Variants in ZNF385D observed in about 807,000 individuals in gnomAD.
ZNF385D encodes the protein zinc finger protein 385D.
Under a neutral mutation model 35.8 loss-of-function variants are expected in ZNF385D, and 15 were observed. The observed-to-expected ratio is 0.42, with a 90% CI of 0.28 to 0.64. The LOEUF is 0.64. Among genes scored for constraint, ZNF385D ranks in the 30% least tolerant of loss-of-function variants. ZNF385D has a pLI of 0.23. For missense variants in ZNF385D, 474 were observed against 494.6 expected, an observed-to-expected ratio of 0.96 and a Z score of 0.39; for synonymous variants, 212 against 186.8, an observed-to-expected ratio of 1.13 and a Z score of -1.10.
intron 3 of ZNF385D, among the ~76,000 whole-genome samples, chr3:21,554,555 A>G (rs1470017846): frequency 6.6e-6 from 1 of 152,180 alleles, no homozygotes; most frequent in East Asian, 1.9e-4. Flanking sequence ...GCTCCTACCA[A>G]GAGAGTAAGC....
intron 3 of ZNF385D, among the ~76,000 whole-genome samples, chr3:21,807,071 T>G (rs1262815217): frequency 6.6e-6 from 1 of 152,182 alleles, no homozygotes; most frequent in African/African-American, 2.4e-5. Flanking sequence ...AAGGAGGAAA[T>G]GAATTTAGAA....
At chr3:22,299,341 G>T (rs1392958612) in intron 2 of ZNF385D, among the ~76,000 whole-genome samples, 1 of 151,746 alleles carries the variant, frequency 6.6e-6, no homozygotes, top group African/African-American at 2.4e-5. Flanking sequence ...GGTTATTTTT[G>T]TAACTTTACT....
intron 3 of ZNF385D, among the ~76,000 whole-genome samples, chr3:21,787,937 G>C (rs1476334196): frequency 1.0e-5 from 1 of 98,976 alleles, no homozygotes; most frequent in Non-Finnish European, 2.0e-5. Flanking sequence ...GCGAGACTTC[G>C]TCTCAACAAA....
At chr3:21,751,310 C>T, upstream of ZNF385D, 2 of 1,073,308 alleles carry the variant, frequency 1.9e-6, no homozygotes, top group Non-Finnish European at 1.1e-6. Flanking sequence ...CCAACCATGG[C>T]TCTCGGGAAG....
At chr3:21,440,501 G>C (rs1010604777) in intron 4 of ZNF385D, among the ~76,000 whole-genome samples, 1 of 152,064 alleles carries the variant, frequency 6.6e-6, no homozygotes, top group Non-Finnish European at 1.5e-5. Context: ...TGAGAAATCA[G>C]TGTAACATGG....
chr3:21,775,890 A>C (rs1007533289), intron 3 of ZNF385D, among the ~76,000 whole-genome samples: 1 of 151,500 alleles, frequency 6.6e-6, no homozygotes, highest in African/African-American at 2.4e-5. Context: ...AATATTAGAA[A>C]AATTTTAAAA....
chr3:21,776,106 G>A (rs1207607936), intron 3 of ZNF385D, among the ~76,000 whole-genome samples: 1 of 151,548 alleles, frequency 6.6e-6, no homozygotes, highest in Non-Finnish European at 1.5e-5. Flanking sequence ...TGCAAAATAT[G>A]TTAATTATTT....
At chr3:22,082,737 C>T (rs1001826312) in intron 3 of ZNF385D, among the ~76,000 whole-genome samples, 1 of 152,228 alleles carries the variant, frequency 6.6e-6, no homozygotes, top group African/African-American at 2.4e-5. Flanking sequence ...GGAGAACAAA[C>T]AGACTGCCTC....
At chr3:21,788,488 C>G (rs2071794084) in intron 3 of ZNF385D, among the ~76,000 whole-genome samples, 1 of 152,162 alleles carries the variant, frequency 6.6e-6, no homozygotes, top group African/African-American at 2.4e-5. Context: ...TACCTAGAGA[C>G]AAATGTGACA....
intron 3 of ZNF385D, among the ~76,000 whole-genome samples, chr3:21,962,630 G>A (rs1037114126): frequency 6.6e-6 from 1 of 152,144 alleles, no homozygotes; most frequent in African/African-American, 2.4e-5. Flanking sequence ...CTCCCAGAAG[G>A]GAAATGTGGT....
At chr3:21,851,338 TAC>T (rs1169354557) in intron 3 of ZNF385D, among the ~76,000 whole-genome samples, 1 of 152,076 alleles carries the variant, frequency 6.6e-6, no homozygotes, top group Non-Finnish European at 1.5e-5. Flanking sequence ...GTGTGAAAGT[TAC>T]AGTTGCTTTA....
At chr3:22,220,486 G>C (rs1401663953) in intron 2 of ZNF385D, among the ~76,000 whole-genome samples, 1 of 152,164 alleles carries the variant, frequency 6.6e-6, no homozygotes, top group Non-Finnish European at 1.5e-5. Flanking sequence ...AAAAACGTCA[G>C]TGGAACCTAT....
At chr3:22,291,990 A>G (rs1403757428) in intron 2 of ZNF385D, among the ~76,000 whole-genome samples, 7 of 152,084 alleles carry the variant, frequency 4.6e-5, no homozygotes, top group African/African-American at 1.2e-4. Flanking sequence ...TTCACAAAAG[A>G]TAATCACATA....
At chr3:21,912,632 C>G (rs1305474554) in intron 3 of ZNF385D, among the ~76,000 whole-genome samples, 1 of 151,996 alleles carries the variant, frequency 6.6e-6, no homozygotes, top group Non-Finnish European at 1.5e-5. Flanking sequence ...AAATACAATG[C>G]CACGTTAGGG....
chr3:21,487,731 A>T (rs1438258308), intron 4 of ZNF385D, among the ~76,000 whole-genome samples: 1 of 152,118 alleles, frequency 6.6e-6, no homozygotes, highest in South Asian at 2.1e-4. Flanking sequence ...TGCTGACGTC[A>T]CATCTTGGTT....
At chr3:21,636,411 T>TAGAG (rs1461269243) in intron 2 of ZNF385D, among the ~76,000 whole-genome samples, 1 of 49,246 alleles carries the variant, frequency 2.0e-5, no homozygotes, top group African/African-American at 8.5e-5. Context: ...TATATATATA[T>TAGAG]ATAGAGTTTC....
At chr3:22,271,760 A>G (rs553403074) in intron 2 of ZNF385D, among the ~76,000 whole-genome samples, 1 of 151,854 alleles carries the variant, frequency 6.6e-6, no homozygotes, top group Non-Finnish European at 1.5e-5. Context: ...CTCCCATCAA[A>G]CCATCCAGTC....
chr3:22,098,393 C>T (rs1701747143), intron 3 of ZNF385D, among the ~76,000 whole-genome samples: 1 of 151,926 alleles, frequency 6.6e-6, no homozygotes, highest in Admixed American at 6.6e-5. Flanking sequence ...AATATTTTAT[C>T]AATTTAGTGT....
intron 3 of ZNF385D, among the ~76,000 whole-genome samples, chr3:21,997,756 T>A (rs986453716): frequency 1.3e-5 from 2 of 152,132 alleles, no homozygotes; most frequent in Non-Finnish European, 2.9e-5. Context: ...AAATGGCAGA[T>A]AATATTATAA....
Sources: gnomAD v4.1 joint callset for allele counts (sites outside exome capture counted in the v4.1 genomes callset) on GRCh38, gnomAD v4.1.1 for gene constraint, MANE v1.5 for transcripts, NCBI Gene and HGNC (gene_info 2026-07-23, HGNC 2026-07-21) for gene names.